The following UPF2 variants were observed in gnomAD, a reference collection of about 807,000 sequenced individuals.
The protein encoded by UPF2 is regulator of nonsense transcripts 2.
A neutral mutation model predicts 141.4 loss-of-function variants in UPF2; 17 were observed. The observed-to-expected ratio is 0.12, with a 90% CI of 0.08 to 0.18. The LOEUF is 0.18. Ranked by LOEUF, UPF2 falls within the 10% of genes least tolerant of loss-of-function variation. The probability of loss-of-function intolerance (pLI) is 1.00; values close to 1 mark genes in which losing one functional copy is unlikely to be tolerated. For missense variants in UPF2, 1,152 were observed against 1,515.9 expected (o/e 0.76, Z 3.99); for synonymous variants, 540 against 498.0 (o/e 1.08, Z -1.12).
intron 19 of UPF2, among the ~76,000 whole-genome samples, chr10:11,933,151 T>C (rs966508300): frequency 6.6e-6 from 1 of 152,184 alleles, no homozygotes; most frequent in Non-Finnish European, 1.5e-5. Flanking sequence ...GAAAGTTATT[T>C]CTGAGTACAA....
At chr10:12,010,913 A>G (rs1834115454) in intron 4 of UPF2, among the ~76,000 whole-genome samples, 1 of 152,156 alleles carries the variant, frequency 6.6e-6, no homozygotes, top group South Asian at 2.1e-4. Flanking sequence ...GCAAGCTAGA[A>G]GACAGAGGAG....
At chr10:11,951,527 C>T (rs148097243) in intron 15 of UPF2, among the ~76,000 whole-genome samples, 2 of 152,164 alleles carry the variant, frequency 1.3e-5, no homozygotes, top group African/African-American at 4.8e-5. Flanking sequence ...CCCAAAACAA[C>T]CTCAGGATAC....
At chr10:11,947,785 T>TAAAA (rs1833020738) in intron 16 of UPF2, among the ~76,000 whole-genome samples, 1 of 49,198 alleles carries the variant, frequency 2.0e-5, no homozygotes, top group Non-Finnish European at 3.5e-5. Context: ...AAACCTTGTC[T>TAAAA]CAAAAAAAAA....
chr10:12,032,407 C>T (rs957762832), intron 2 of UPF2, among the ~76,000 whole-genome samples: 1 of 151,888 alleles, frequency 6.6e-6, no homozygotes, highest in Non-Finnish European at 1.5e-5. Flanking sequence ...TGGGTAAATG[C>T]TATGATGCTC....
intron 4 of UPF2, among the ~76,000 whole-genome samples, chr10:12,006,329 G>A (rs905464268): frequency 6.6e-6 from 1 of 152,142 alleles, no homozygotes; most frequent in African/African-American, 2.4e-5. Context: ...CATAAACTCA[G>A]AACACTGAAA....
intron 5 of UPF2, among the ~76,000 whole-genome samples, chr10:12,003,625 T>C (rs1319847280): frequency 6.6e-6 from 1 of 152,008 alleles, no homozygotes; most frequent in Non-Finnish European, 1.5e-5. Context: ...AGAGTAAAAT[T>C]AACGTTTAGG....
intron 16 of UPF2, among the ~76,000 whole-genome samples, chr10:11,943,429 A>G (rs1234273224): frequency 6.6e-6 from 1 of 152,188 alleles, no homozygotes. Flanking sequence ...GAATTCCACA[A>G]TGAAGAAGTT....
chr10:12,021,033 A>G (rs1423305749), intron 3 of UPF2, among the ~76,000 whole-genome samples: 1 of 152,206 alleles, frequency 6.6e-6, no homozygotes, highest in African/African-American at 2.4e-5. Flanking sequence ...GCTAACATGT[A>G]TACTATACAC....
At chr10:11,947,073 A>G (rs1833010171) in intron 16 of UPF2, among the ~76,000 whole-genome samples, 1 of 152,092 alleles carries the variant, frequency 6.6e-6, no homozygotes, top group South Asian at 2.1e-4. Context: ...ATGGTGGCAC[A>G]CACCTAAAAT....
intron 21 of UPF2, among the ~76,000 whole-genome samples, chr10:11,927,292 C>T (rs1199826859): frequency 6.6e-6 from 1 of 152,208 alleles, no homozygotes; most frequent in Admixed American, 6.5e-5. Context: ...TTAATAAAAA[C>T]GTGCTATTCA....
At chr10:11,948,589 A>G (rs1169099893) in intron 15 of UPF2, 81 bp from the exon 16 acceptor site, 61 of 1,430,160 alleles carry the variant, frequency 4.3e-5, no homozygotes, top group Admixed American at 6.2e-5. Context: ...AATTCATGTA[A>G]AAGTATGCAT....
chr10:12,030,817 C>T lies in UPF2; in HGVS notation c.366-1293G>A, dbSNP rs530327595. ...CAGAATTGCTTGAACCCGGGAGGCGCAGGTTGCCGTGAGCCAAGATCATGC... is the reference window on the plus strand; with the variant it reads ...CAGAATTGCTTGAACCCGGGAGGCGTAGGTTGCCGTGAGCCAAGATCATGC... On this transcript the variant is annotated intron_variant, in intron 2 of 21. Transcript: ENST00000357604. Among the ~76,000 whole-genome samples, 6 of 144,320 alleles carry T rather than the reference C, an allele frequency of 4.2e-5. No individual in the cohort carries two copies. The South Asian group carries it at 6.7e-4, about 16-fold the overall frequency. 94.7% of individuals were successfully genotyped at this position (144,320 alleles called of 152,430 possible).
At position 11,959,262 on chromosome 10, in the gene UPF2, G is replaced by A. The variant is rs1478804150; in HGVS notation, c.2279C>T (p.Ala760Val). The change falls in exon 12 of 22, where the codon GCT becomes GTT. Residue 760 changes from alanine (A) to valine (V), a missense_variant. This residue lies in a region of UPF2 where 739 missense variants were observed against 1,032.2 expected (regional missense o/e 0.72). Coordinates refer to ENST00000357604, the MANE Select transcript of UPF2 (RefSeq NM_015542.4). The surrounding 1 kb of genome is among the most constrained non-coding windows in gnomAD (Gnocchi z 5.9). Reference protein sequence around the residue: ...NAYYYCNPPPAEKTVKKKRPP... With the variant: ...NAYYYCNPPPVEKTVKKKRPP... Reference sequence around the variant, plus strand: ...ACGTTTCTTTTTCACGGTTTTTTCAGCTGGAGGTGGGTTGCAGTAGTAATA... The same window carrying A: ...ACGTTTCTTTTTCACGGTTTTTTCAACTGGAGGTGGGTTGCAGTAGTAATA... 1 of 1,613,208 alleles carries A rather than the reference G, an allele frequency of 6.2e-7. No individual in the cohort carries two copies. The highest frequency in any genetic ancestry group is 1.3e-5 in the African/African-American group (1 of 74,794).
rs118040959 is a variant in UPF2, at chr10:11,940,456, C to T, written c.3378+2209G>A. 3.0e-4 allele frequency among the ~76,000 whole-genome samples: 45 copies of T among 152,296 alleles called. No individual in the cohort carries two copies. In the East Asian group the frequency reaches 7.3e-3, roughly 25 times the overall value. The stretch of plus-strand genomic sequence containing the variant: ...CCATCACATTTCTGTTTTCACTCCA[C>T]GTAACCTTCTGATCTCCATACATTT... On this transcript the variant is annotated intron_variant, in intron 18 of 21. Transcript: ENST00000357604. This position sits in a 1 kb window ranked among gnomAD's most constrained non-coding sequence, Gnocchi z 4.2.
intron 3 of UPF2, among the ~76,000 whole-genome samples, chr10:12,020,933 T>C (rs1414996955): frequency 1.3e-5 from 2 of 152,234 alleles, no homozygotes; most frequent in Non-Finnish European, 1.5e-5. Context: ...AACACGTCCA[T>C]GAAGGCAAGC....
rs540021111 is a variant in UPF2 at position 11,941,550 on chromosome 10, A to G, written c.3378+1115T>C. On this transcript the variant is annotated intron_variant, in intron 18 of 21. Transcript: ENST00000357604. ...TCCATGAGCATATAAAGATTCCATAATATCTTCTACCTTTAAAAAAAAAAA... is the reference window on the plus strand; with the variant it reads ...TCCATGAGCATATAAAGATTCCATAGTATCTTCTACCTTTAAAAAAAAAAA... Among the ~76,000 whole-genome samples the G allele has an allele frequency of 4.6e-5, 7 of 152,096 alleles. No individual in the cohort carries two copies. In the East Asian group the frequency reaches 9.7e-4, roughly 21 times the overall value.
chr10:11,984,965 G>C (rs1833663058), intron 8 of UPF2, among the ~76,000 whole-genome samples: 1 of 151,900 alleles, frequency 6.6e-6, no homozygotes, highest in Non-Finnish European at 1.5e-5. Context: ...CACCCGCCTC[G>C]GCCTCCCACA....
At position 11,956,404 on chromosome 10, in the gene UPF2, G is replaced by A; in HGVS notation, c.2490C>T (p.Leu830=). 1 of 1,614,162 alleles carries A rather than the reference G, an allele frequency of 6.2e-7. No individual in the cohort carries two copies. The highest frequency in any genetic ancestry group is 8.5e-7 in the Non-Finnish European group (1 of 1,180,024). Residue 830 remains leucine (L), a synonymous_variant, in exon 13 of 22, where the codon CTC becomes CTT. Coordinates refer to ENST00000357604, the MANE Select transcript of UPF2 (RefSeq NM_015542.4). The surrounding 1 kb of genome is among the most constrained non-coding windows in gnomAD (Gnocchi z 4.2). ...CTTGGTAGAGCACTAGTCCTGCTAA[G>A]AGGTTGGCTACACAATGAATACTAT... is the stretch of plus-strand genomic sequence containing the variant. ...KYNSIHCVAN[L]LAGLVLYQED... is the part of the protein sequence containing the mutation.
intron 21 of UPF2, among the ~76,000 whole-genome samples, chr10:11,929,519 C>T (rs966974912): frequency 7.9e-5 from 12 of 152,116 alleles, no homozygotes; most frequent in Admixed American, 7.9e-4. Context: ...TGCCTATAGT[C>T]CCAGCTACTT....
Sources: gnomAD v4.1 joint callset for allele counts (sites outside exome capture counted in the v4.1 genomes callset) on GRCh38, gnomAD v4.1.1 for gene constraint, gnomAD v4.1.1 regional missense constraint, Gnocchi (gnomAD v3.1) non-coding constraint, MANE v1.5 for transcripts, NCBI Gene and HGNC (gene_info 2026-07-23, HGNC 2026-07-21) for gene names.